Variants in PPFIA2 observed in about 807,000 individuals in gnomAD.
PPFIA2 encodes the protein liprin-alpha-2.
A neutral mutation model predicts 175.5 loss-of-function variants in PPFIA2; 46 were observed. That is an observed-to-expected ratio of 0.26 (90% CI 0.21 to 0.34). The LOEUF is 0.34. Among genes scored for constraint, PPFIA2 ranks in the 10% least tolerant of loss-of-function variants. The pLI is 1.00. For missense variants in PPFIA2, 1,179 were observed against 1,506.1 expected (o/e 0.78, Z 3.60); for synonymous variants, 568 against 511.4 (o/e 1.11, Z -1.49).
Position 81,443,750 on chromosome 12 carries a change from G to T in PPFIA2, c.570+1806C>A, listed in dbSNP as rs77177530. Among the ~76,000 whole-genome samples the T allele has an allele frequency of 1.6e-3, 235 of 148,614 alleles. 3 individuals carry two copies. The East Asian group carries it at 0.027, about 17-fold the overall frequency. On this transcript the variant is annotated intron_variant, in intron 6 of 32. Transcript: ENST00000549396. ...GGTCCTTCTCTTCTTACAGCTCTGG[G>T]TTATTTTCTGTGTGGGTCCTGCTGC...
At chr12:81,445,409 A>G (rs2051071431) in intron 6 of PPFIA2, 147 bp downstream of exon 6, 1 of 675,640 alleles carries the variant, frequency 1.5e-6, no homozygotes, top group African/African-American at 1.8e-5. Flanking sequence ...ATCCATTTTC[A>G]CTTTTAAAAA....
intron 9 of PPFIA2, among the ~76,000 whole-genome samples, chr12:81,380,032 G>C: frequency 6.6e-6 from 1 of 152,034 alleles, no homozygotes; most frequent in East Asian, 1.9e-4. Flanking sequence ...TACTATGCTA[G>C]CAATGCTATA....
intron 4 of PPFIA2, among the ~76,000 whole-genome samples, chr12:81,489,180 G>A (rs533269006): frequency 6.6e-6 from 1 of 151,828 alleles, no homozygotes; most frequent in Non-Finnish European, 1.5e-5. Context: ...TATCCTTAAA[G>A]CATTGGAAAG....
At chr12:81,625,234 A>G (rs555210245) in intron 4 of PPFIA2, among the ~76,000 whole-genome samples, 2 of 151,816 alleles carry the variant, frequency 1.3e-5, no homozygotes, top group Non-Finnish European at 2.9e-5. Context: ...TTTTCAGCTC[A>G]TGAGAATCAT....
chr12:81,672,791 GATA>G (rs1257769446), intron 4 of PPFIA2, among the ~76,000 whole-genome samples: 7 of 151,894 alleles, frequency 4.6e-5, no homozygotes, highest in Non-Finnish European at 1.0e-4. Flanking sequence ...TTTAAATCCT[GATA>G]ATAACATTTT....
chr12:81,689,389 T>C (rs2074944226), intron 3 of PPFIA2, among the ~76,000 whole-genome samples: 1 of 152,086 alleles, frequency 6.6e-6, no homozygotes, highest in African/African-American at 2.4e-5. Context: ...ATTTTTCTTC[T>C]GGGCAGCTCC....
chr12:81,668,968 C>T (rs2070887255), intron 4 of PPFIA2, among the ~76,000 whole-genome samples: 1 of 151,948 alleles, frequency 6.6e-6, no homozygotes, highest in Admixed American at 6.6e-5. Context: ...TTATTAAATA[C>T]TTATTGAAGG....
intron 22 of PPFIA2, among the ~76,000 whole-genome samples, chr12:81,313,459 GA>G (rs943552766): frequency 6.6e-6 from 1 of 151,816 alleles, no homozygotes; most frequent in Non-Finnish European, 1.5e-5. Context: ...TCGGCACTTT[GA>G]AAAAAATGCA....
At chr12:81,427,624 T>C (rs1322669907) in intron 7 of PPFIA2, among the ~76,000 whole-genome samples, 1 of 152,044 alleles carries the variant, frequency 6.6e-6, no homozygotes, top group Non-Finnish European at 1.5e-5. Flanking sequence ...AAAGGAGATG[T>C]AGTCGTGGGT....
intron 22 of PPFIA2, among the ~76,000 whole-genome samples, chr12:81,305,616 A>T (rs1359266558): frequency 1.3e-5 from 2 of 152,026 alleles, no homozygotes; most frequent in Non-Finnish European, 2.9e-5. Context: ...AATTCATACC[A>T]TTCAAATTTT....
chr12:81,337,114 C>G (rs1423722050), intron 21 of PPFIA2, among the ~76,000 whole-genome samples: 1 of 152,040 alleles, frequency 6.6e-6, no homozygotes, highest in African/African-American at 2.4e-5. Context: ...CTGTTTAGAC[C>G]TATGTTTTAT....
At chr12:81,522,609 A>C (rs1439222193) in intron 4 of PPFIA2, among the ~76,000 whole-genome samples, 2 of 152,206 alleles carry the variant, frequency 1.3e-5, no homozygotes, top group Non-Finnish European at 2.9e-5. Flanking sequence ...TGCTGCAAAT[A>C]TATCTTTATA....
At chr12:81,728,227 T>C (rs1328261424) in intron 3 of PPFIA2, among the ~76,000 whole-genome samples, 1 of 151,424 alleles carries the variant, frequency 6.6e-6, no homozygotes, top group Non-Finnish European at 1.5e-5. Context: ...TTGATATCTC[T>C]CCACCAAGTC....
intron 4 of PPFIA2, among the ~76,000 whole-genome samples, chr12:81,462,117 T>C (rs1350330966): frequency 6.6e-6 from 1 of 151,538 alleles, no homozygotes; most frequent in Non-Finnish European, 1.5e-5. Context: ...TAAATTTTTC[T>C]AAGTGAGATC....
chr12:81,309,651 T>G (rs1293369671), intron 22 of PPFIA2, among the ~76,000 whole-genome samples: 1 of 152,068 alleles, frequency 6.6e-6, no homozygotes, highest in Non-Finnish European at 1.5e-5. Flanking sequence ...TAAAACATGC[T>G]AGGCTGTTTA....
chr12:81,683,766 T>A (rs564761281), intron 3 of PPFIA2, among the ~76,000 whole-genome samples: 24 of 152,120 alleles, frequency 1.6e-4, no homozygotes, highest in African/African-American at 5.8e-4. Flanking sequence ...GACCTGAGGC[T>A]CGGTAATAAA....
intron 6 of PPFIA2, among the ~76,000 whole-genome samples, chr12:81,441,994 G>C (rs1489939032): frequency 1.3e-5 from 2 of 152,006 alleles, no homozygotes; most frequent in Non-Finnish European, 2.9e-5. Flanking sequence ...TTGAATCTAG[G>C]CTACATGGTA....
At chr12:81,728,648 C>T (rs1046493364) in intron 3 of PPFIA2, among the ~76,000 whole-genome samples, 2 of 151,262 alleles carry the variant, frequency 1.3e-5, no homozygotes, top group African/African-American at 2.4e-5. Context: ...AAAATAAGAA[C>T]ATTTAAAATG....
chr12:81,642,236 T>C (rs916666248), intron 4 of PPFIA2, among the ~76,000 whole-genome samples: 1 of 152,026 alleles, frequency 6.6e-6, no homozygotes, highest in Admixed American at 6.6e-5. Flanking sequence ...AAAGCTTACA[T>C]ATCTGAAAGT....
Sources: allele counts gnomAD v4.1 joint callset (sites outside exome capture counted in the v4.1 genomes callset), GRCh38; gene constraint gnomAD v4.1.1; transcripts MANE v1.5; gene names NCBI Gene and HGNC (gene_info 2026-07-23, HGNC 2026-07-21).